Variants in PRRC2A observed in about 807,000 individuals in gnomAD.
The protein encoded by PRRC2A is proline rich coiled-coil 2A, also known as protein PRRC2A.
In PRRC2A, 59 loss-of-function variants were observed where a neutral mutation model predicts 224.6. The observed-to-expected ratio is 0.26, with a 90% confidence interval of 0.21 to 0.33. The LOEUF is 0.33. Among genes scored for constraint, PRRC2A ranks in the 10% least tolerant of loss-of-function variants. The pLI is 1.00. For synonymous variants in PRRC2A, 1,194 were observed against 1,109.5 expected (o/e 1.08, Z -1.51); for missense variants, 3,095 against 2,880.7 (o/e 1.07, Z -1.70).
Position 31,627,280 on chromosome 6 carries a change from G to A in PRRC2A, c.1290+82G>A. ...GAGTAATTGAAGCGGTTGTGATATA[G>A]AGGAAGGGGGGTGCTAAAAATGGGC... On this transcript the variant is annotated intron_variant, in intron 11 of 30. Transcript: ENST00000376033. This position sits in a 1 kb window ranked among gnomAD's most constrained non-coding sequence, Gnocchi z 5.6. The A allele has an allele frequency of 9.7e-7, 1 of 1,025,998 alleles. No homozygotes were observed. The highest frequency in any genetic ancestry group is 1.4e-6 in the Non-Finnish European group (1 of 696,142). 63.6% of individuals were successfully genotyped at this position (1,025,998 alleles called of 1,614,324 possible). A position where few individuals can be genotyped will look rare whatever the true frequency, so the allele number is the denominator to read the frequency against.
chr6:31,623,160 T>C (rs1195752039), intron 2 of PRRC2A: 5 of 735,290 alleles, frequency 6.8e-6, no homozygotes, highest in Non-Finnish European at 1.0e-5. Flanking sequence ...TTTGGGAAAC[T>C]TTGAGGCCAG....
chr6:31,630,124 A>G (rs1369603585), intron 14 of PRRC2A, among the ~76,000 whole-genome samples: 1 of 152,100 alleles, frequency 6.6e-6, no homozygotes, highest in African/African-American at 2.4e-5. Context: ...CGAGACCACC[A>G]TGGCTAACGT....
intron 1 of PRRC2A, among the ~76,000 whole-genome samples, chr6:31,621,081 G>T (rs1201040469): frequency 6.6e-6 from 1 of 152,162 alleles, no homozygotes. Context: ...TCCGTAGTCT[G>T]CCCCTAACCA....
Position 31,627,120 on chromosome 6 carries a change from A to C in PRRC2A, c.1212A>C (p.Gly404=). The C allele has an allele frequency of 6.2e-7, 1 of 1,613,700 alleles. No individual in the cohort carries two copies. The highest frequency in any genetic ancestry group is 8.5e-7 in the Non-Finnish European group (1 of 1,179,922). The change falls in exon 11 of 31, where the codon GGA becomes GGC. Residue 404 remains glycine (G), a synonymous_variant. Transcript: ENST00000376033. This position sits in a 1 kb window ranked among gnomAD's most constrained non-coding sequence, Gnocchi z 5.6. ...ETSRPPETEP[G]PPAPKPPLPP... is the part of the protein sequence containing the mutation. Reference sequence around the variant, plus strand: ...CTCGGCCTCCAGAGACAGAGCCGGGACCTCCTGCCCCAAAGCCTCCCCTAC... The same window carrying C: ...CTCGGCCTCCAGAGACAGAGCCGGGCCCTCCTGCCCCAAAGCCTCCCCTAC...
chr6:31,631,969 A>G lies in PRRC2A; in HGVS notation c.3296A>G (p.Lys1099Arg), dbSNP rs776090266. The change falls in exon 16 of 31, where the codon AAG becomes AGG. Residue 1099 changes from lysine (K) to arginine (R), a missense_variant. By Grantham distance (26) the Lys-to-Arg change is conservative. This residue lies in a region of PRRC2A where 2,001 missense variants were observed against 1,764.9 expected (regional missense o/e 1.13). Coordinates refer to ENST00000376033, the MANE Select transcript of PRRC2A (RefSeq NM_004638.4). The surrounding 1 kb of genome is among the most constrained non-coding windows in gnomAD (Gnocchi z 4.5). ...SEGSEYEEIP[K>R]RRRQRGSETG... ...GGTTCAGAGTATGAGGAAATCCCCA[A>G]GCGGCGCCGGCAGCGGGGCTCAGAA... 7 of 1,612,722 alleles carry G rather than the reference A, an allele frequency of 4.3e-6. No homozygotes were observed. Among genetic ancestry groups the G allele is most frequent in the Non-Finnish European group, 5.1e-6 (6 of 1,179,836 alleles).
In PRRC2A at chr6:31,629,686, C is replaced by T. The variant is rs994060219; in HGVS notation, c.2095C>T (p.Pro699Ser). Residue 699 changes from proline to serine, a missense_variant, in exon 14 of 31, where the codon CCC (proline) becomes TCC (serine). By Grantham distance (74) the Pro-to-Ser change is moderately conservative. This residue lies in a region of PRRC2A where 2,001 missense variants were observed against 1,764.9 expected (regional missense o/e 1.13). Coordinates refer to ENST00000376033, the MANE Select transcript of PRRC2A (RefSeq NM_004638.4). ...AVPAPQAPPP[P>S]PKALYPGALG... is the part of the protein sequence containing the mutation. The stretch of plus-strand genomic sequence containing the variant: ...GCCAGCTCCACAGGCTCCACCCCCG[C>T]CCCCCAAGGCCCTGTACCCAGGTGC... 1.9e-6 allele frequency: 3 copies of T among 1,598,926 alleles called. No individual in the cohort carries two copies. The highest frequency in any genetic ancestry group is 2.2e-5 in the South Asian group (2 of 89,942).
Position 31,625,488 on chromosome 6 carries a change from G to A in PRRC2A, c.636G>A (p.Gly212=). The A allele has an allele frequency of 6.3e-7, 1 of 1,588,968 alleles. No homozygotes were observed. The highest frequency in any genetic ancestry group is 1.7e-4 in the Middle Eastern group (1 of 5,962). Residue 212 remains glycine, a synonymous_variant, in exon 7 of 31, where the codon GGG becomes GGA. Transcript: ENST00000376033. The surrounding 1 kb of genome is among the most constrained non-coding windows in gnomAD (Gnocchi z 4.1). The stretch of plus-strand genomic sequence containing the variant: ...CTACAACTTGGAGGGACGGAGGTGG[G>A]CGTGGCCCTGATGAGCTGGAGGGCC... ...QNSTTWRDGG[G]RGPDELEGPD...
chr6:31,621,883 G>A (rs1483476484), intron 1 of PRRC2A, among the ~76,000 whole-genome samples: 1 of 152,200 alleles, frequency 6.6e-6, no homozygotes, highest in African/African-American at 2.4e-5. Flanking sequence ...TTTTTAATGA[G>A]GATAGGAAAA....
At chr6:31,635,492 A>G (rs1320228718) in intron 23 of PRRC2A, 27 bp downstream of exon 23, 1 of 1,612,966 alleles carries the variant, frequency 6.2e-7, no homozygotes, top group Non-Finnish European at 8.5e-7. Flanking sequence ...GTTTGGTGGA[A>G]AGGCCCAAGA....
Position 31,631,029 on chromosome 6 carries a change from A to C in PRRC2A, c.2466-110A>C. 7.6e-7 allele frequency: 1 copy of C among 1,313,894 alleles called. No homozygotes were observed. Among genetic ancestry groups the C allele is most frequent in the Non-Finnish European group, 1.0e-6 (1 of 961,282 alleles). 81.4% of individuals were successfully genotyped at this position (1,313,894 alleles called of 1,614,324 possible). On this transcript the variant is annotated intron_variant, in intron 15 of 30. Coordinates refer to ENST00000376033, the MANE Select transcript of PRRC2A (RefSeq NM_004638.4). The surrounding 1 kb of genome is among the most constrained non-coding windows in gnomAD (Gnocchi z 4.5). ...AACTGGATGCCATCTCTGCCAAAACAAACAGAAAAATAGTAAAAGAGAGTC... is the reference window on the plus strand; with the variant it reads ...AACTGGATGCCATCTCTGCCAAAACCAACAGAAAAATAGTAAAAGAGAGTC...
chr6:31,637,760 T>TA lies in PRRC2A; in HGVS notation c.*185dup, dbSNP rs538804134. On this transcript the variant is annotated 3_prime_UTR_variant, in exon 31 of 31. Coordinates refer to ENST00000376033, the MANE Select transcript of PRRC2A (RefSeq NM_004638.4). ...GTTAAAAAAGAGTAATAAAAGGATT[T>TA]AAAAAAAAAAACTTCTACAATGATT... 0.044 allele frequency: 14,085 copies of TA among 318,554 alleles called. 34 individuals carry two copies. The highest frequency in any genetic ancestry group is 0.094 in the East Asian group (1,760 of 18,712). The allele number at this position is 318,554 out of a possible 1,614,324, so 19.7% of individuals were successfully genotyped here. A position where few individuals can be genotyped will look rare whatever the true frequency, so the allele number is the denominator to read the frequency against.
Position 31,628,100 on chromosome 6 carries a change from A to G in PRRC2A, c.1626A>G (p.Pro542=). ...PAPPPASAPT[P]ETEPEEPAQA... is the part of the protein sequence containing the mutation. ...CACCTCCAGCATCAGCCCCAACACC[A>G]GAGACAGAACCTGAAGAGCCAGCAC... is the stretch of plus-strand genomic sequence containing the variant. The change falls in exon 12 of 31, where the codon CCA becomes CCG. Residue 542 remains proline (P), a synonymous_variant. Transcript: ENST00000376033. 1.2e-6 allele frequency: 2 copies of G among 1,613,076 alleles called. No individual in the cohort carries two copies. Among genetic ancestry groups the G allele is most frequent in the Non-Finnish European group, 1.7e-6 (2 of 1,179,946 alleles).
At chr6:31,629,050 T>C in intron 12 of PRRC2A, 94 bp from the exon 13 acceptor site, 7 of 1,288,604 alleles carry the variant, frequency 5.4e-6, no homozygotes, top group Non-Finnish European at 6.7e-6. Context: ...ATTTTAGTCT[T>C]AAGGGAGCTA....
In PRRC2A at chr6:31,634,186, C is replaced by G. The variant is rs1363892616; in HGVS notation, c.4720-50C>G. ...CACTCTGTCCTGGCTTCCTATAATT[C>G]CCAATTCCCACCCAATTCATGTTTT... On this transcript the variant is annotated intron_variant, in intron 18 of 30. Transcript: ENST00000376033. 1.9e-6 allele frequency: 3 copies of G among 1,573,000 alleles called. 1 individual carries two copies. The highest frequency in any genetic ancestry group is 2.3e-5 in the South Asian group (2 of 85,718).
Position 31,624,503 on chromosome 6 carries a change from C to T in PRRC2A, c.444C>T (p.Thr148=), listed in dbSNP as rs754596899. The T allele has an allele frequency of 8.7e-6, 14 of 1,613,330 alleles. No homozygotes were observed. The South Asian group carries it at 1.4e-4, about 16-fold the overall frequency. Residue 148 remains threonine (T), a synonymous_variant, in exon 5 of 31, where the codon ACC becomes ACT. Transcript: ENST00000376033. ...GVKSWAQASV[T]HGAHGDGGRA... ...AGTCCTGGGCACAAGCCAGCGTCAC[C>T]CATGGAGCACATGGAGATGGTGAGT...
rs759858843 is a variant in PRRC2A at position 31,635,123 on chromosome 6, C to T, written c.5161-9C>T. On this transcript the variant is annotated splice_polypyrimidine_tract_variant and intron_variant, in intron 21 of 30. Transcript: ENST00000376033. Reference sequence around the variant, plus strand: ...TCCCCCAATGCACTTTACTGTGTGCCCAATCCAGGAGCTGCCCCGGGAGCA... The same window carrying T: ...TCCCCCAATGCACTTTACTGTGTGCTCAATCCAGGAGCTGCCCCGGGAGCA... The T allele has an allele frequency of 6.2e-7, 1 of 1,613,556 alleles. No individual in the cohort carries two copies. Among genetic ancestry groups the T allele is most frequent in the Non-Finnish European group, 8.5e-7 (1 of 1,179,650 alleles).
At chr6:31,629,385 G>T (rs1380869747) in intron 13 of PRRC2A, 51 bp downstream of exon 13, 4 of 1,522,752 alleles carry the variant, frequency 2.6e-6, no homozygotes, top group Non-Finnish European at 3.5e-6. Flanking sequence ...CCTGGCTTCG[G>T]TCCCTAATTC....
Position 31,625,233 on chromosome 6 carries a change from G to A in PRRC2A, c.526G>A (p.Ala176Thr). 6.2e-7 allele frequency: 1 copy of A among 1,613,142 alleles called. No homozygotes were observed. Among genetic ancestry groups the A allele is most frequent in the Non-Finnish European group, 8.5e-7 (1 of 1,180,040 alleles). ...AGAGGAATTTCCGACCCTGCAGGCG[G>A]CTGGCGACCAGGACAAGGCTGCCAA... is the stretch of plus-strand genomic sequence containing the variant. ...SREEFPTLQA[A>T]GDQDKAAKER... Residue 176 changes from alanine to threonine, a missense_variant, in exon 6 of 31, where the codon GCT (alanine) becomes ACT (threonine). By Grantham distance (58) the Ala-to-Thr change is moderately conservative (BLOSUM62 0). This residue lies in a region of PRRC2A where 287 missense variants were observed against 275.3 expected (regional missense o/e 1.04). Transcript: ENST00000376033. The surrounding 1 kb of genome is among the most constrained non-coding windows in gnomAD (Gnocchi z 4.1).
rs1480277360 is a variant in PRRC2A at position 31,625,149 on chromosome 6, T to C, written c.464-22T>C. 17 of 1,605,502 alleles carry C rather than the reference T, an allele frequency of 1.1e-5. No homozygotes were observed. The highest frequency in any genetic ancestry group is 1.7e-5 in the Admixed American group (1 of 59,716). The stretch of plus-strand genomic sequence containing the variant: ...CTCAGGAAATGTCTTCTGTCTCCTG[T>C]TCTGCATCCCCATCCTAATAGGTGG... On this transcript the variant is annotated intron_variant, in intron 5 of 30. Coordinates refer to ENST00000376033, the MANE Select transcript of PRRC2A (RefSeq NM_004638.4). The surrounding 1 kb of genome is among the most constrained non-coding windows in gnomAD (Gnocchi z 4.1).
Sources: gnomAD v4.1 joint callset for allele counts (sites outside exome capture counted in the v4.1 genomes callset) on GRCh38, gnomAD v4.1.1 for gene constraint, gnomAD v4.1.1 regional missense constraint, Gnocchi (gnomAD v3.1) non-coding constraint, MANE v1.5 for transcripts, NCBI Gene and HGNC (gene_info 2026-07-23, HGNC 2026-07-21) for gene names.